The following HDX variants were observed in gnomAD, a reference collection of about 807,000 sequenced individuals.
HDX encodes chromosome X open reading frame 43.
Under a neutral mutation model 45.2 loss-of-function variants are expected in HDX, and 19 were observed. That is an observed-to-expected ratio of 0.42 (90% confidence interval 0.29 to 0.62). The LOEUF is 0.62. Ranked by LOEUF, HDX falls within the 20% of genes least tolerant of loss-of-function variation. The probability of loss-of-function intolerance (pLI) is 0.20; values close to 1 mark genes in which losing one functional copy is unlikely to be tolerated. For synonymous variants in HDX, 188 were observed against 172.8 expected, an observed-to-expected ratio of 1.09 and a Z score of -0.69; for missense variants, 532 against 493.9, an observed-to-expected ratio of 1.08 and a Z score of -0.73.
intron 5 of HDX, among the ~76,000 whole-genome samples, chrX:84,435,548 A>G (rs2039607837): frequency 9.1e-6 from 1 of 109,328 alleles, no homozygotes; most frequent in Non-Finnish European, 1.9e-5. Flanking sequence ...TTTGCTATGC[A>G]GAAGCTCTTT....
rs181346197 is a variant in HDX at position 84,328,271 on chromosome X, C to A, written c.1825-1971G>T. Reference sequence around the variant, plus strand: ...GCTATAGTCCCAGCTATTCAGGAGGCTGAAGCAAGAGGACTGCTTGAGCCC... The same window carrying A: ...GCTATAGTCCCAGCTATTCAGGAGGATGAAGCAAGAGGACTGCTTGAGCCC... On this transcript the variant is annotated intron_variant, in intron 9 of 10. Transcript: ENST00000373177. 3.5e-3 allele frequency among the ~76,000 whole-genome samples: 386 copies of A among 110,712 alleles called. 1 individual carries two copies. The highest frequency in any genetic ancestry group is 0.012 in the African/African-American group (360 of 30,477).
At chrX:84,363,950 G>C (rs1230850907) in intron 5 of HDX, among the ~76,000 whole-genome samples, 2 of 111,414 alleles carry the variant, frequency 1.8e-5, no homozygotes, top group African/African-American at 3.3e-5. Context: ...CTAGGTGAAA[G>C]CTGAAACTTT....
intron 4 of HDX, among the ~76,000 whole-genome samples, chrX:84,466,990 C>T (rs12387486): frequency 0.035 from 3,868 of 111,033 alleles, 128 homozygotes; most frequent in African/African-American, 0.11. Flanking sequence ...AAGAACAACA[C>T]TGAAGGGGTA....
At chrX:84,322,667 TA>T (rs1321077947) in intron 10 of HDX, among the ~76,000 whole-genome samples, 1 of 110,574 alleles carries the variant, frequency 9.0e-6, no homozygotes, top group African/African-American at 3.3e-5. Context: ...TCTGCTTGAG[TA>T]ATAAGGATAA....
chrX:84,358,105 T>C (rs1332914976), intron 6 of HDX, among the ~76,000 whole-genome samples: 1 of 112,229 alleles, frequency 8.9e-6, no homozygotes, highest in South Asian at 3.7e-4. Flanking sequence ...GACTTATACA[T>C]GGAATTGAAA....
intron 1 of HDX, among the ~76,000 whole-genome samples, chrX:84,494,534 GA>G (rs1034054709): frequency 8.9e-6 from 1 of 111,893 alleles, no homozygotes; most frequent in African/African-American, 3.2e-5. Context: ...AAATTAAGGG[GA>G]AAAAGATTTA....
At chrX:84,437,272 T>C (rs978397812) in intron 5 of HDX, among the ~76,000 whole-genome samples, 1 of 110,826 alleles carries the variant, frequency 9.0e-6, no homozygotes, top group Non-Finnish European at 1.9e-5. Context: ...TCTTGAATTG[T>C]TTCCAGTCTA....
intron 6 of HDX, among the ~76,000 whole-genome samples, chrX:84,355,334 A>G (rs1210186561): frequency 2.7e-5 from 3 of 111,035 alleles, no homozygotes; most frequent in Non-Finnish European, 5.7e-5. Flanking sequence ...ACTGAATTGT[A>G]GCAAGATGGA....
At chrX:84,445,422 T>A (rs182862078) in intron 4 of HDX, among the ~76,000 whole-genome samples, 1 of 108,771 alleles carries the variant, frequency 9.2e-6, no homozygotes. Flanking sequence ...AGTTTCCTAA[T>A]TTTTTTTTTC....
At chrX:84,376,429 G>A (rs2038058168) in intron 5 of HDX, among the ~76,000 whole-genome samples, 1 of 111,677 alleles carries the variant, frequency 9.0e-6, no homozygotes, top group Admixed American at 9.5e-5. Context: ...CACAAAGAGG[G>A]CCCTTGAGGT....
At chrX:84,371,753 G>A (rs760356980) in intron 5 of HDX, among the ~76,000 whole-genome samples, 55 of 111,373 alleles carry the variant, frequency 4.9e-4, no homozygotes, top group Non-Finnish European at 1.9e-4. Flanking sequence ...GATGCTTATT[G>A]CCTATTTTTA....
At position 84,471,283 on chromosome X, in the gene HDX, A is replaced by T. The variant is rs867876657; in HGVS notation, c.148-1708T>A. On this transcript the variant is annotated intron_variant, in intron 3 of 10. Coordinates refer to ENST00000373177, the MANE Select transcript of HDX (RefSeq NM_001177479.2). ...TAGATAGATAGATAGATAGATAGAT[A>T]GATTTTCATTTGTCTTGGAACCAAG... Among the ~76,000 whole-genome samples the T allele has an allele frequency of 2.7e-5, 3 of 109,194 alleles. No individual in the cohort carries two copies. In the Admixed American group the frequency reaches 3.0e-4, roughly 11 times the overall value. 94.8% of individuals were successfully genotyped at this position (109,194 alleles called of 115,157 possible).
At chrX:84,421,635 T>TAAAA (rs56249555) in intron 5 of HDX, among the ~76,000 whole-genome samples, 1 of 96,815 alleles carries the variant, frequency 1.0e-5, no homozygotes. Flanking sequence ...CTGAATGCAT[T>TAAAA]AAAAAAAAAA....
chrX:84,467,432 G>A (rs1200215510), intron 4 of HDX, among the ~76,000 whole-genome samples: 2 of 110,299 alleles, frequency 1.8e-5, no homozygotes, highest in South Asian at 3.9e-4. Context: ...TCCAAGACCA[G>A]CCTGGTCAAC....
chrX:84,330,987 T>G (rs779119337), intron 9 of HDX, among the ~76,000 whole-genome samples: 1 of 111,602 alleles, frequency 9.0e-6, no homozygotes, highest in East Asian at 2.8e-4. Flanking sequence ...ATCTTATTTT[T>G]ATTGTTGTTA....
intron 5 of HDX, among the ~76,000 whole-genome samples, chrX:84,393,468 A>G (rs757163109): frequency 3.6e-5 from 4 of 111,502 alleles, no homozygotes; most frequent in Non-Finnish European, 5.7e-5. Context: ...TCATCAGACA[A>G]ATTGGTGTGT....
chrX:84,374,742 T>G (rs914607421), intron 5 of HDX, among the ~76,000 whole-genome samples: 1 of 108,655 alleles, frequency 9.2e-6, no homozygotes, highest in Non-Finnish European at 1.9e-5. Context: ...CAAAAACTAA[T>G]TCAAGATGGA....
intron 5 of HDX, among the ~76,000 whole-genome samples, chrX:84,378,340 G>A (rs960859454): frequency 2.7e-5 from 3 of 111,405 alleles, no homozygotes; most frequent in East Asian, 2.8e-4. Context: ...TAAGTACACA[G>A]AAAAACACAG....
At chrX:84,454,395 G>A (rs1010822379) in intron 4 of HDX, among the ~76,000 whole-genome samples, 3 of 111,368 alleles carry the variant, frequency 2.7e-5, no homozygotes, top group African/African-American at 9.8e-5. Flanking sequence ...CAATATAACT[G>A]AAAAGTACAT....
Sources: gnomAD v4.1 joint callset for allele counts (sites outside exome capture counted in the v4.1 genomes callset) on GRCh38, gnomAD v4.1.1 for gene constraint, MANE v1.5 for transcripts, NCBI Gene and HGNC (gene_info 2026-07-23, HGNC 2026-07-21) for gene names.